The following ABHD18 variants were observed in gnomAD, a reference collection of about 807,000 sequenced individuals.
ABHD18 encodes the protein cardiolipin-specific deacylase, mitochondrial.
ABHD18 carries 55 observed loss-of-function variants against 65.9 expected under a neutral mutation model. The ratio of observed to expected loss-of-function variants is 0.84; its 90% CI spans 0.67 to 1.05. The LOEUF is 1.05. Ranked by LOEUF, ABHD18 falls within the 50% of genes least tolerant of loss-of-function variation. The pLI is 0.00. For missense variants in ABHD18, 533 were observed against 558.5 expected (o/e 0.95, Z 0.46); for synonymous variants, 181 against 180.2 (o/e 1.00, Z -0.04).
chr4:127,995,984 A>G (rs1579256844), intron 4 of ABHD18, among the ~76,000 whole-genome samples: 1 of 152,226 alleles, frequency 6.6e-6, no homozygotes, highest in African/African-American at 2.4e-5. Flanking sequence ...CCCTTGGGCA[A>G]TTTATTTAAC....
rs1759116295 is a variant in ABHD18 at position 128,039,092 on chromosome 4, G to GTGTATATATATGTATGTA, written c.*3280_*3297dup. ...TATATATATACACACACACGTATGTGTGTATATATATGTATGTACGTATAT... is the reference window on the plus strand; with the variant it reads ...TATATATATACACACACACGTATGTGTGTATATATATGTATGTATGTATATATATGTATGTACGTATAT... On this transcript the variant is annotated 3_prime_UTR_variant, in exon 13 of 13. Transcript: ENST00000645843. 2 of 138,846 alleles carry GTGTATATATATGTATGTA rather than the reference G, an allele frequency of 1.4e-5. No individual in the cohort carries two copies. The highest frequency in any genetic ancestry group is 1.6e-4 in the Admixed American group (2 of 12,538). The allele number at this position is 138,846 out of a possible 1,614,324, so 8.6% of individuals were successfully genotyped here. A position where few individuals can be genotyped will look rare whatever the true frequency, so the allele number is the denominator to read the frequency against.
In ABHD18 at chr4:127,966,702, C is replaced by CAAAAAAA. The variant is rs70966065; in HGVS notation, c.-18+1126_-18+1132dup. Among the ~76,000 whole-genome samples, 9 of 21,540 alleles carry CAAAAAAA rather than the reference C, an allele frequency of 4.2e-4. 1 individual carries two copies. The highest frequency in any genetic ancestry group is 7.1e-4 in the African/African-American group (4 of 5,640). The allele number at this position is 21,540 out of a possible 152,430, so 14.1% of individuals were successfully genotyped here. ...TGAAACCCCGTCTCTACTAAAAATA[C>CAAAAAAA]AAAAAAAAAAAAAAAAAAAAAAAAA... On this transcript the variant is annotated intron_variant, in intron 1 of 12. Transcript: ENST00000645843.
chr4:128,017,328 A>C, intron 7 of ABHD18, 35 bp from the exon 8 acceptor site: 1 of 1,601,456 alleles, frequency 6.2e-7, no homozygotes, highest in Non-Finnish European at 8.5e-7. Flanking sequence ...TAAATACATA[A>C]AATAATCATT....
At chr4:127,971,934 A>G (rs1315057354) in intron 1 of ABHD18, among the ~76,000 whole-genome samples, 1 of 152,074 alleles carries the variant, frequency 6.6e-6, no homozygotes, top group Non-Finnish European at 1.5e-5. Context: ...CCACAAGTTA[A>G]GGGCTCAGTT....
intron 2 of ABHD18, among the ~76,000 whole-genome samples, chr4:127,983,684 T>C (rs1392835991): frequency 1.3e-5 from 2 of 152,034 alleles, no homozygotes; most frequent in African/African-American, 4.8e-5. Flanking sequence ...GCTAACATAG[T>C]GAAATCCCTT....
At chr4:128,011,609 G>A (rs1428138800) in intron 6 of ABHD18, 64 bp from the exon 7 acceptor site, 6 of 1,251,810 alleles carry the variant, frequency 4.8e-6, no homozygotes, top group African/African-American at 1.5e-5. Flanking sequence ...ACTATTTAAT[G>A]TACTCTCAGA....
rs72681863 is a variant in ABHD18, at chr4:127,992,770, C to T, written c.278+2949C>T. On this transcript the variant is annotated intron_variant, in intron 4 of 12. Coordinates refer to ENST00000645843, the MANE Select transcript of ABHD18 (RefSeq NM_001358451.3). ...CATTGTCCAGGCTGATCTCAAATTC[C>T]TGGGCTCATGTGATCCTCCTGCCTT... Among the ~76,000 whole-genome samples, 1,099 of 152,090 alleles carry T rather than the reference C, an allele frequency of 7.2e-3. 8 individuals are homozygous for T. The highest frequency in any genetic ancestry group is 0.014 in the Admixed American group (219 of 15,260).
chr4:127,994,486 C>A (rs780803270), intron 4 of ABHD18, among the ~76,000 whole-genome samples: 9 of 152,034 alleles, frequency 5.9e-5, no homozygotes, highest in Non-Finnish European at 1.0e-4. Context: ...ACTCAGGAGG[C>A]TGAGGCAGGA....
chr4:127,989,968 A>G (rs1750649805), intron 4 of ABHD18, 147 bp downstream of exon 4: 1 of 544,450 alleles, frequency 1.8e-6, no homozygotes, highest in Middle Eastern at 5.0e-4. Context: ...TAATTCTTCA[A>G]AGAACATAAG....
At chr4:127,984,208 T>C in intron 2 of ABHD18, 131 bp from the exon 3 acceptor site, 1 of 513,906 alleles carries the variant, frequency 1.9e-6, no homozygotes, top group African/African-American at 1.9e-5. Flanking sequence ...GTGATCAAAA[T>C]TAAATTTTAA....
chr4:128,009,204 G>A lies in ABHD18; in HGVS notation c.442+13G>A. ...GAAAACCCTTATTATATCCTTTTGT[G>A]ATATCTAAGAAATCTTTTGCCTTGT... On this transcript the variant is annotated intron_variant, in intron 6 of 12. Transcript: ENST00000645843. 1 of 1,389,564 alleles carries A rather than the reference G, an allele frequency of 7.2e-7. No homozygotes were observed. The highest frequency in any genetic ancestry group is 9.5e-7 in the Non-Finnish European group (1 of 1,057,194). 86.1% of individuals were successfully genotyped at this position (1,389,564 alleles called of 1,614,324 possible). A position where few individuals can be genotyped will look rare whatever the true frequency, so the allele number is the denominator to read the frequency against.
intron 1 of ABHD18, among the ~76,000 whole-genome samples, chr4:127,981,409 AG>A (rs1749027632): frequency 6.6e-6 from 1 of 152,102 alleles, no homozygotes; most frequent in Non-Finnish European, 1.5e-5. Flanking sequence ...TTTGATAGTT[AG>A]ATAGATTTTT....
At chr4:128,002,722 C>A (rs559009036) in intron 4 of ABHD18, among the ~76,000 whole-genome samples, 2 of 152,142 alleles carry the variant, frequency 1.3e-5, no homozygotes, top group Non-Finnish European at 2.9e-5. Flanking sequence ...GGGCTCACGA[C>A]AAGCCCTGTC....
chr4:128,011,479 G>T (rs1461275914), intron 6 of ABHD18, among the ~76,000 whole-genome samples, 194 bp from the exon 7 acceptor site: 20 of 141,126 alleles, frequency 1.4e-4, no homozygotes, highest in Middle Eastern at 3.6e-3. Context: ...AGTAAAGCTG[G>T]TTTTTTTTTT....
intron 1 of ABHD18, among the ~76,000 whole-genome samples, chr4:127,969,153 G>A (rs543510415): frequency 1.1e-4 from 16 of 151,200 alleles, no homozygotes; most frequent in African/African-American, 3.9e-4. Flanking sequence ...TTTGTGGCCT[G>A]TTATGCAGGG....
intron 4 of ABHD18, 66 bp downstream of exon 4, chr4:127,989,887 A>T (rs2149086820): frequency 1.0e-5 from 10 of 984,590 alleles, no homozygotes; most frequent in Admixed American, 3.0e-5. Flanking sequence ...TAATATCAAC[A>T]CTATGTTATT....
intron 7 of ABHD18, among the ~76,000 whole-genome samples, chr4:128,012,372 T>C (rs1260412357): frequency 2.0e-5 from 3 of 152,186 alleles, no homozygotes; most frequent in Non-Finnish European, 2.9e-5. Context: ...ACTTTCTCTT[T>C]TCAGTCTTTT....
chr4:128,033,114 C>T (rs774103558), intron 12 of ABHD18, among the ~76,000 whole-genome samples: 39 of 151,974 alleles, frequency 2.6e-4, no homozygotes, highest in African/African-American at 8.7e-4. Context: ...ATTAGCTGGG[C>T]GTGGTGGCGG....
intron 12 of ABHD18, among the ~76,000 whole-genome samples, chr4:128,033,253 C>CAA (rs906000619): frequency 1.4e-5 from 2 of 147,922 alleles, no homozygotes; most frequent in Non-Finnish European, 3.0e-5. Context: ...GACTCTGTCT[C>CAA]AAAAAAAAAA....
Sources: allele counts gnomAD v4.1 joint callset (sites outside exome capture counted in the v4.1 genomes callset), GRCh38; gene constraint gnomAD v4.1.1; transcripts MANE v1.5; gene names NCBI Gene and HGNC (gene_info 2026-07-23, HGNC 2026-07-21).